ASAP1: variants seen among roughly 807,000 people sequenced by gnomAD.
The protein encoded by ASAP1 is ArfGAP with SH3 domain, ankyrin repeat and PH domain 1, also known as arf-GAP with SH3 domain, ANK repeat and PH domain-containing protein 1.
In ASAP1, 43 loss-of-function variants were observed where a neutral mutation model predicts 145.2. The ratio of observed to expected loss-of-function variants is 0.30; its 90% CI spans 0.23 to 0.38. ASAP1 has a LOEUF of 0.38. Among genes scored for constraint, ASAP1 ranks in the 10% least tolerant of loss-of-function variants. The pLI is 1.00. For missense variants in ASAP1, 1,018 were observed against 1,355.3 expected (o/e 0.75, Z 3.91); for synonymous variants, 546 against 515.5 (o/e 1.06, Z -0.80).
intron 26 of ASAP1, among the ~76,000 whole-genome samples, 154 bp downstream of exon 26, chr8:130,079,748 C>G (rs907901833): frequency 2.6e-5 from 4 of 152,160 alleles, no homozygotes; most frequent in African/African-American, 7.2e-5. Flanking sequence ...GCATGCAAAC[C>G]AAGAGTGAAC....
intron 3 of ASAP1, among the ~76,000 whole-genome samples, chr8:130,318,872 A>G (rs910925141): frequency 6.6e-6 from 1 of 152,210 alleles, no homozygotes; most frequent in Non-Finnish European, 1.5e-5. Flanking sequence ...GGACAAAGCA[A>G]TGGGGCCTTC....
Position 130,358,063 on chromosome 8 carries a change from G to A in ASAP1, c.140C>T (p.Thr47Ile). ...GTTCCTGCAGTTGTGCAGCCGCGTG[G>A]TGAAGCTGGACGTGGTGGGCGAGTT... is the stretch of plus-strand genomic sequence containing the variant. ...DYNSPTTSSF[T>I]TRLHNCRNTV... The change falls in exon 3 of 30, where the codon ACC becomes ATC. Residue 47 changes from threonine (T) to isoleucine (I), a missense_variant. By Grantham distance (89) the Thr-to-Ile change is moderately conservative. This residue lies in a region of ASAP1 where 106 missense variants were observed against 134.5 expected (regional missense o/e 0.79). Transcript: ENST00000518721. The surrounding 1 kb of genome is among the most constrained non-coding windows in gnomAD (Gnocchi z 4.1). 1.2e-6 allele frequency: 2 copies of A among 1,611,086 alleles called. No homozygotes were observed.
intron 24 of ASAP1, among the ~76,000 whole-genome samples, chr8:130,100,737 A>C (rs1448931967): frequency 6.6e-6 from 1 of 152,222 alleles, no homozygotes; most frequent in African/African-American, 2.4e-5. Context: ...TTCCGGATAT[A>C]CAAGTCCCTT....
intron 4 of ASAP1, among the ~76,000 whole-genome samples, chr8:130,231,160 G>C (rs1817888973): frequency 1.3e-5 from 2 of 152,084 alleles, no homozygotes; most frequent in Admixed American, 6.5e-5. Flanking sequence ...AAAGTGGAGA[G>C]AACACCACAC....
chr8:130,255,215 T>C (rs923792742), intron 3 of ASAP1, among the ~76,000 whole-genome samples: 5 of 152,198 alleles, frequency 3.3e-5, no homozygotes, highest in Admixed American at 1.3e-4. Context: ...TTAGGACACC[T>C]GGTACTGGCA....
At chr8:130,254,269 TTTAA>T (rs1451442826) in intron 3 of ASAP1, among the ~76,000 whole-genome samples, 1 of 152,240 alleles carries the variant, frequency 6.6e-6, no homozygotes, top group Non-Finnish European at 1.5e-5. Flanking sequence ...GATGCTTTTA[TTTAA>T]TTAATAAATT....
At chr8:130,107,495 CTTTTTTTT>C (rs764936248) in intron 24 of ASAP1, among the ~76,000 whole-genome samples, 1 of 139,398 alleles carries the variant, frequency 7.2e-6, no homozygotes, top group Admixed American at 7.2e-5. Context: ...CATAGTCTCT[CTTTTTTTT>C]TTTTTTTAAA....
intron 2 of ASAP1, among the ~76,000 whole-genome samples, chr8:130,382,057 C>T (rs1041459409): frequency 6.6e-5 from 10 of 151,972 alleles, no homozygotes; most frequent in East Asian, 1.9e-4. Context: ...GAGGCCGAGG[C>T]GGGCAGATCA....
intron 4 of ASAP1, among the ~76,000 whole-genome samples, chr8:130,234,613 T>C (rs1818103495): frequency 6.6e-6 from 1 of 152,140 alleles, no homozygotes; most frequent in Non-Finnish European, 1.5e-5. Context: ...GAGGAGCCTT[T>C]GTATGAGCTG....
intron 2 of ASAP1, among the ~76,000 whole-genome samples, chr8:130,387,353 T>C (rs575592171): frequency 6.6e-6 from 1 of 152,194 alleles, no homozygotes; most frequent in African/African-American, 2.4e-5. Context: ...CTGGGTAACA[T>C]GGCAAAACCT....
intron 6 of ASAP1, 105 bp from the exon 7 acceptor site, chr8:130,187,390 C>G (rs1413935711): frequency 1.1e-6 from 1 of 917,656 alleles, no homozygotes; most frequent in Admixed American, 2.4e-5. Flanking sequence ...TTATAGGACA[C>G]TGGGAACTTC....
chr8:130,226,637 G>A (rs1353371316), intron 4 of ASAP1, among the ~76,000 whole-genome samples: 1 of 152,116 alleles, frequency 6.6e-6, no homozygotes, highest in Non-Finnish European at 1.5e-5. Context: ...GGTGTTATCT[G>A]GAAACTCAGC....
intron 3 of ASAP1, among the ~76,000 whole-genome samples, chr8:130,314,984 G>A (rs1166303301): frequency 6.6e-6 from 1 of 152,142 alleles, no homozygotes; most frequent in Non-Finnish European, 1.5e-5. Context: ...CTGAATTTCG[G>A]TTACCGATTT....
intron 4 of ASAP1, among the ~76,000 whole-genome samples, chr8:130,226,068 G>C (rs1227554589): frequency 6.6e-6 from 1 of 150,818 alleles, no homozygotes; most frequent in African/African-American, 2.4e-5. Context: ...TTAAGAGATG[G>C]GGCCCTACTA....
chr8:130,340,199 C>T (rs147038667), intron 3 of ASAP1, among the ~76,000 whole-genome samples: 91 of 152,200 alleles, frequency 6.0e-4, no homozygotes, highest in African/African-American at 2.1e-3. Flanking sequence ...TCACTGTTTA[C>T]CAAGGATCCC....
intron 28 of ASAP1, among the ~76,000 whole-genome samples, chr8:130,060,057 G>A (rs1452948062): frequency 1.0e-4 from 13 of 129,732 alleles, no homozygotes; most frequent in African/African-American, 2.7e-4. Context: ...CAGCCTGGGC[G>A]ACAGAGCGAG....
Position 130,092,056 on chromosome 8 carries a change from G to A in ASAP1, c.2489C>T (p.Pro830Leu). The change falls in exon 25 of 30, where the codon CCA becomes CTA. Residue 830 changes from proline (P) to leucine (L), a missense_variant. Physicochemically the swap from Pro to Leu is moderately conservative, Grantham distance 98 (BLOSUM62 -3). This residue lies in a region of ASAP1 where 353 missense variants were observed against 375.4 expected (regional missense o/e 0.94). Transcript: ENST00000518721. ...STLSKKRPPP[P>L]PPGHKRTLSD... is the part of the protein sequence containing the mutation. ...TAGGGTTCTCTTGTGTCCGGGTGGTGGGGGAGGAGGCCTCTTCTTGGATAG... is the reference window on the plus strand; with the variant it reads ...TAGGGTTCTCTTGTGTCCGGGTGGTAGGGGAGGAGGCCTCTTCTTGGATAG... 1 of 1,573,342 alleles carries A rather than the reference G, an allele frequency of 6.4e-7. No homozygotes were observed.
intron 23 of ASAP1, among the ~76,000 whole-genome samples, chr8:130,113,352 C>T (rs572796626): frequency 6.6e-6 from 1 of 152,246 alleles, no homozygotes; most frequent in Admixed American, 6.5e-5. Flanking sequence ...TGCATTCCAC[C>T]CCACTTCTTT....
chr8:130,200,094 G>T (rs1447798043), intron 5 of ASAP1, among the ~76,000 whole-genome samples: 1 of 152,144 alleles, frequency 6.6e-6, no homozygotes, highest in Non-Finnish European at 1.5e-5. Context: ...CCCACTTCTT[G>T]ACTCTTAAAT....
Sources: allele counts gnomAD v4.1 joint callset (sites outside exome capture counted in the v4.1 genomes callset), GRCh38; gene constraint gnomAD v4.1.1; regional missense constraint gnomAD v4.1.1; non-coding constraint Gnocchi (gnomAD v3.1); transcripts MANE v1.5; gene names NCBI Gene and HGNC (gene_info 2026-07-23, HGNC 2026-07-21).